PRRC2B: variants seen among roughly 807,000 people sequenced by gnomAD.
PRRC2B encodes protein PRRC2B.
In PRRC2B, 68 loss-of-function variants were observed where a neutral mutation model predicts 242.3. That is an observed-to-expected ratio of 0.28 (90% CI 0.23 to 0.34). The LOEUF is 0.34. PRRC2B is among the 10% of genes least tolerant of loss of function. The probability of loss-of-function intolerance (pLI) is 1.00; values close to 1 mark genes in which losing one functional copy is unlikely to be tolerated. For missense variants in PRRC2B, 2,835 were observed against 2,954.8 expected, an observed-to-expected ratio of 0.96 and a Z score of 0.94; for synonymous variants, 1,228 against 1,173.6, an observed-to-expected ratio of 1.05 and a Z score of -0.95.
At chr9:131,394,614 C>A (rs575867733) in intron 1 of PRRC2B, among the ~76,000 whole-genome samples, 2 of 151,214 alleles carry the variant, frequency 1.3e-5, no homozygotes, top group African/African-American at 2.4e-5. Context: ...GCTGCAGAGG[C>A]CGGAGGGGCG....
chr9:131,396,325 C>CTTTTCTT (rs1353904778), intron 1 of PRRC2B, among the ~76,000 whole-genome samples: 18 of 132,952 alleles, frequency 1.4e-4, no homozygotes, highest in African/African-American at 4.7e-4. Context: ...CTTTTCTTTT[C>CTTTTCTT]TTTTTTTTTT....
In PRRC2B at chr9:131,478,543, G is replaced by T. The variant is rs1442620979; in HGVS notation, c.4682G>T (p.Gly1561Val). 3.1e-6 allele frequency: 5 copies of T among 1,612,168 alleles called. No homozygotes were observed. The South Asian group carries it at 4.4e-5, about 14-fold the overall frequency. Residue 1561 changes from glycine (G) to valine (V), a missense_variant, in exon 18 of 32, where the codon GGC becomes GTC. Physicochemically the swap from Gly to Val is moderately radical, Grantham distance 109 (BLOSUM62 -3). Transcript: ENST00000683519. Reference sequence around the variant, plus strand: ...GAGGTGGGTTCTATGGTGGGCGAAGGCTTCATCGAAGTCCTGACCAAGAAG... The same window carrying T: ...GAGGTGGGTTCTATGGTGGGCGAAGTCTTCATCGAAGTCCTGACCAAGAAG... ...ESEVGSMVGE[G>V]FIEVLTKKQR...
rs772482729 is a variant in PRRC2B at position 131,432,635 on chromosome 9, T to C, written c.134T>C (p.Leu45Ser). Residue 45 changes from leucine to serine, a missense_variant, in exon 3 of 32, where the codon TTA becomes TCA. By Grantham distance (145) the Leu-to-Ser change is moderately radical (BLOSUM62 -2). Around this residue, in one of 7 missense-constraint regions of PRRC2B, gnomAD observed 626 missense variants for 685.5 expected, o/e 0.91. Coordinates refer to ENST00000683519, the MANE Select transcript of PRRC2B (RefSeq NM_013318.4). ...CCTGCAGTTATTCCTAGACATGGCT[T>C]ACAGAGTCTTGGGAAAGTTGCTGCA... is the stretch of plus-strand genomic sequence containing the variant. The part of the protein sequence containing the change: ...IRSSVIPRHG[L>S]QSLGKVAAAR... 1.2e-6 allele frequency: 2 copies of C among 1,613,900 alleles called. No homozygotes were observed. Among genetic ancestry groups the C allele is most frequent in the African/African-American group, 2.7e-5 (2 of 74,940 alleles).
chr9:131,394,437 C>CGCGGGGCT (rs1382578872), intron 1 of PRRC2B, among the ~76,000 whole-genome samples, 174 bp downstream of exon 1: 2 of 146,188 alleles, frequency 1.4e-5, no homozygotes, highest in Non-Finnish European at 3.0e-5. Context: ...TCCCGCCGGG[C>CGCGGGGCT]GCGGGGCTGC....
rs201468556 is a variant in PRRC2B at position 131,467,731 on chromosome 9, G to A, written c.1889G>A (p.Arg630His). 1.4e-5 allele frequency: 22 copies of A among 1,613,798 alleles called. No individual in the cohort carries two copies. The South Asian group carries it at 1.5e-4, about 11-fold the overall frequency. ...AAGTCCCTTCCTCCCCGATTCCAGC[G>A]CCAGCAGCAGCAACAACAGCAGGTA... ...YQKSLPPRFQ[R>H]QQQQQQQEQL... is the part of the protein sequence containing the mutation. The change falls in exon 13 of 32, where the codon CGC (arginine) becomes CAC (histidine). Residue 630 changes from arginine to histidine, a missense_variant. Arg to His is a conservative substitution (Grantham distance 29, BLOSUM62 0). Around this residue, in one of 7 missense-constraint regions of PRRC2B, gnomAD observed 1,536 missense variants for 1,483.1 expected, o/e 1.04. Transcript: ENST00000683519.
chr9:131,416,684 G>T (rs1837665225), intron 1 of PRRC2B, among the ~76,000 whole-genome samples: 1 of 151,660 alleles, frequency 6.6e-6, no homozygotes, highest in Non-Finnish European at 1.5e-5. Context: ...TTTCCACTAG[G>T]TTGTGACAAT....
intron 1 of PRRC2B, among the ~76,000 whole-genome samples, chr9:131,420,452 T>TCTTTCTTTCTTTC (rs767698604): frequency 1.5e-5 from 1 of 66,644 alleles, no homozygotes; most frequent in Non-Finnish European, 3.0e-5. Context: ...TTTCTTTTTC[T>TCTTTCTTTCTTTC]TTTTCTTTCT....
rs1478202802 is a variant in PRRC2B at position 131,476,271 on chromosome 9, G to A, written c.4142G>A (p.Ser1381Asn). The change falls in exon 16 of 32, where the codon AGC (serine) becomes AAC (asparagine). Residue 1381 changes from serine (S) to asparagine (N), a missense_variant. Physicochemically the swap from Ser to Asn is conservative, Grantham distance 46. Coordinates refer to ENST00000683519, the MANE Select transcript of PRRC2B (RefSeq NM_013318.4). ...NEEWETASES[S>N]DFSERRERRE... is the part of the protein sequence containing the mutation. ...GAGTGGGAGACGGCCTCCGAAAGCA[G>A]CGACTTCAGCGAGCGGCGGGAGCGG... 6.2e-7 allele frequency: 1 copy of A among 1,609,862 alleles called. No individual in the cohort carries two copies. The highest frequency in any genetic ancestry group is 1.3e-5 in the African/African-American group (1 of 74,858).
chr9:131,437,276 G>T (rs895129504), intron 4 of PRRC2B, among the ~76,000 whole-genome samples: 1 of 152,164 alleles, frequency 6.6e-6, no homozygotes, highest in Non-Finnish European at 1.5e-5. Context: ...TTTCTTTACC[G>T]AATGTCTCTA....
At chr9:131,398,046 G>A (rs1837116407) in intron 1 of PRRC2B, among the ~76,000 whole-genome samples, 1 of 152,236 alleles carries the variant, frequency 6.6e-6, no homozygotes, top group Non-Finnish European at 1.5e-5. Flanking sequence ...AGAAATACAG[G>A]CACTGGCTGT....
chr9:131,473,824 C>A, intron 15 of PRRC2B, 100 bp downstream of exon 15: 1 of 845,826 alleles, frequency 1.2e-6, no homozygotes, highest in Non-Finnish European at 1.9e-6. Flanking sequence ...GAGACACTGC[C>A]CACGGGAGAC....
At chr9:131,385,985 G>A (rs764330666) in intron 1 of PRRC2B, among the ~76,000 whole-genome samples, 1 of 150,468 alleles carries the variant, frequency 6.6e-6, no homozygotes, top group Middle Eastern at 3.2e-3. Flanking sequence ...GAACCACGGC[G>A]CCCGGCCATC....
Position 131,443,428 on chromosome 9 carries a change from G to T in PRRC2B, c.470-757G>T, listed in dbSNP as rs1022023109. The stretch of plus-strand genomic sequence containing the variant: ...TGGGATTACAGGCGTGAGCCACCAC[G>T]CCTGGCCTATTTTTTTATTTTTAGA... On this transcript the variant is annotated intron_variant, in intron 5 of 31. Coordinates refer to ENST00000683519, the MANE Select transcript of PRRC2B (RefSeq NM_013318.4). Among the ~76,000 whole-genome samples, 3 of 150,798 alleles carry T rather than the reference G, an allele frequency of 2.0e-5. No individual in the cohort carries two copies. The East Asian group carries it at 5.9e-4, about 30-fold the overall frequency.
rs1943533607 is a variant in PRRC2B, at chr9:131,471,096, A to G, written c.2107+113A>G. The G allele has an allele frequency of 1.0e-5, 7 of 678,396 alleles. No individual in the cohort carries two copies. In the South Asian group the frequency reaches 1.4e-4, roughly 14 times the overall value. 42.0% of individuals were successfully genotyped at this position (678,396 alleles called of 1,614,324 possible). ...CTGGATTTTGGTCTGGCTCTTTGTC[A>G]AGTACACAACTGGTCTGAGTTTCAA... On this transcript the variant is annotated intron_variant, in intron 14 of 31. Coordinates refer to ENST00000683519, the MANE Select transcript of PRRC2B (RefSeq NM_013318.4).
At chr9:131,435,695 A>G (rs1838339804) in intron 3 of PRRC2B, among the ~76,000 whole-genome samples, 1 of 152,046 alleles carries the variant, frequency 6.6e-6, no homozygotes, top group South Asian at 2.1e-4. Flanking sequence ...CCCATATGAG[A>G]GACTGGTTAA....
At chr9:131,409,039 T>C (rs1476585714) in intron 1 of PRRC2B, among the ~76,000 whole-genome samples, 2,287 of 142,118 alleles carry the variant, frequency 0.016, 73 homozygotes, top group African/African-American at 0.058. Context: ...TTTTTTTTCC[T>C]GAGATGGAGT....
chr9:131,459,341 A>G lies in PRRC2B; in HGVS notation c.1389A>G (p.Pro463=). ...CCAGGAAGCTTCATGGCTGGGCACCAGGCCCTGACTACCAGGTACCAAGGG... is the reference window on the plus strand; with the variant it reads ...CCAGGAAGCTTCATGGCTGGGCACCGGGCCCTGACTACCAGGTACCAAGGG... ...PPPRKLHGWA[P]GPDYQKSSMG... is the part of the protein sequence containing the mutation. The change falls in exon 11 of 32, where the codon CCA becomes CCG. Residue 463 remains proline, a synonymous_variant. Coordinates refer to ENST00000683519, the MANE Select transcript of PRRC2B (RefSeq NM_013318.4). 2.5e-6 allele frequency: 4 copies of G among 1,613,246 alleles called. No individual in the cohort carries two copies. Among genetic ancestry groups the G allele is most frequent in the Non-Finnish European group, 3.4e-6 (4 of 1,179,504 alleles).
chr9:131,415,872 T>C (rs1837634524), intron 1 of PRRC2B, among the ~76,000 whole-genome samples: 1 of 152,204 alleles, frequency 6.6e-6, no homozygotes, highest in South Asian at 2.1e-4. Flanking sequence ...TGGTGGGCCT[T>C]TGAAGTCTCG....
chr9:131,395,020 T>C (rs1837006889), intron 1 of PRRC2B, among the ~76,000 whole-genome samples: 1 of 151,638 alleles, frequency 6.6e-6, no homozygotes, highest in African/African-American at 2.4e-5. Flanking sequence ...AATTCAGCCC[T>C]GTTGAAACTG....
Sources: allele counts gnomAD v4.1 joint callset (sites outside exome capture counted in the v4.1 genomes callset), GRCh38; gene constraint gnomAD v4.1.1; regional missense constraint gnomAD v4.1.1; transcripts MANE v1.5; gene names NCBI Gene and HGNC (gene_info 2026-07-23, HGNC 2026-07-21).